The following ZNF780B variants were observed in gnomAD, a reference collection of about 807,000 sequenced individuals.
ZNF780B encodes zinc finger protein 779.
A neutral mutation model predicts 74.1 loss-of-function variants in ZNF780B; 52 were observed. The ratio of observed to expected loss-of-function variants is 0.70; its 90% CI spans 0.56 to 0.88. ZNF780B has a LOEUF of 0.88. Ranked by LOEUF, ZNF780B falls within the 40% of genes least tolerant of loss-of-function variation. The probability of loss-of-function intolerance (pLI) is 0.00; values close to 1 mark genes in which losing one functional copy is unlikely to be tolerated. For synonymous variants in ZNF780B, 315 were observed against 324.3 expected (o/e 0.97, Z 0.31); for missense variants, 953 against 1,007.6 (o/e 0.95, Z 0.73).
At chr19:40,037,023 C>T (rs1178677525) in intron 4 of ZNF780B, among the ~76,000 whole-genome samples, 2 of 151,864 alleles carry the variant, frequency 1.3e-5, no homozygotes, top group Non-Finnish European at 2.9e-5. Flanking sequence ...ATTCTCTGGC[C>T]TCAGCCTCAG....
In ZNF780B at chr19:40,034,547, G is replaced by C. The variant is rs750553815; in HGVS notation, c.2312C>G (p.Pro771Arg). 5.0e-6 allele frequency: 8 copies of C among 1,607,214 alleles called. No homozygotes were observed. In the Middle Eastern group the frequency reaches 1.0e-3, roughly 201 times the overall value. Residue 771 changes from proline (P) to arginine (R), a missense_variant, in exon 5 of 5, where the codon CCT (proline) becomes CGT (arginine). Pro to Arg is a moderately radical substitution (Grantham distance 103). Transcript: ENST00000434248. ...AFNRGSNLVQ[P>R]QSIHTGEKPY... is the part of the protein sequence containing the mutation. ...TTTCTCACCAGTATGAATACTCTGA[G>C]GTTGAACAAGGTTTGAGCCACGATT...
Position 40,034,731 on chromosome 19 carries a change from A to G in ZNF780B, c.2128T>C (p.Tyr710His), listed in dbSNP as rs1205937105. ...KECRKTFRYH[Y>H]QLTEHYRIHT... ...ATTCGGTAATGTTCAGTAAGCTGGTAATGATATCTAAAGGTCTTCCTACAC... is the reference window on the plus strand; with the variant it reads ...ATTCGGTAATGTTCAGTAAGCTGGTGATGATATCTAAAGGTCTTCCTACAC... The change falls in exon 5 of 5, where the codon TAC (tyrosine) becomes CAC (histidine). Residue 710 changes from tyrosine (Y) to histidine (H), a missense_variant. Transcript: ENST00000434248. The G allele has an allele frequency of 6.2e-7, 1 of 1,613,884 alleles. No individual in the cohort carries two copies. The highest frequency in any genetic ancestry group is 2.2e-5 in the East Asian group (1 of 44,850).
At chr19:40,038,418 A>C (rs1253370783) in intron 4 of ZNF780B, among the ~76,000 whole-genome samples, 2 of 152,058 alleles carry the variant, frequency 1.3e-5, no homozygotes, top group East Asian at 3.9e-4. Context: ...ATAATCCTTT[A>C]GGTATATACA....
rs754063212 is a variant in ZNF780B, at chr19:40,036,187, C to T, written c.672G>A (p.Lys224=). The T allele has an allele frequency of 6.2e-7, 1 of 1,613,446 alleles. No homozygotes were observed. Among genetic ancestry groups the T allele is most frequent in the East Asian group, 2.2e-5 (1 of 44,864 alleles). Reference sequence around the variant, plus strand: ...GAAGATTAAAGGCTTTTCCACATTCCTTACATTCAAAAGTTTTCTCACCAG... The same window carrying T: ...GAAGATTAAAGGCTTTTCCACATTCTTTACATTCAAAAGTTTTCTCACCAG... ...FHTGEKTFEC[K]ECGKAFNLPT... The change falls in exon 5 of 5, where the codon AAG becomes AAA. Residue 224 remains lysine (K), a synonymous_variant. Transcript: ENST00000434248.
In ZNF780B at chr19:40,036,028, A is replaced by C. The variant is rs771298388; in HGVS notation, c.831T>G (p.Tyr277Ter). The C allele has an allele frequency of 6.2e-7, 1 of 1,614,068 alleles. No homozygotes were observed. The highest frequency in any genetic ancestry group is 2.2e-5 in the East Asian group (1 of 44,874). Reference sequence around the variant, plus strand: ...AGGCTTTCCCACACTCCTTACATTGATATGGTTTTACACCAGCATGAATAC... The same window carrying C: ...AGGCTTTCCCACACTCCTTACATTGCTATGGTTTTACACCAGCATGAATAC... ...HQSIHAGVKPYQCKECGKAFN... is the reference protein window; with the variant it reads ...HQSIHAGVKP Residue 277 changes from tyrosine to a stop codon, truncating the protein, a stop_gained, in exon 5 of 5, where the codon TAT (tyrosine) becomes TAG (stop). Transcript: ENST00000434248. LOFTEE classifies it high-confidence loss of function.
chr19:40,040,092 C>T (rs1005743218), intron 4 of ZNF780B, among the ~76,000 whole-genome samples: 12 of 152,138 alleles, frequency 7.9e-5, no homozygotes, highest in African/African-American at 2.9e-4. Context: ...CCCATCAATA[C>T]CTCATTTATT....
chr19:40,050,547 A>G (rs959077603), intron 1 of ZNF780B, among the ~76,000 whole-genome samples, 170 bp from the exon 2 acceptor site: 1 of 152,162 alleles, frequency 6.6e-6, no homozygotes, highest in Non-Finnish European at 1.5e-5. Flanking sequence ...TCACAAATAA[A>G]CTGGCAGTGA....
At position 40,034,029 on chromosome 19, in the gene ZNF780B, A is replaced by G; in HGVS notation, c.*328T>C. 1 of 350,928 alleles carries G rather than the reference A, an allele frequency of 2.8e-6. No homozygotes were observed. The highest frequency in any genetic ancestry group is 6.8e-5 in the East Asian group (1 of 14,644). The allele number at this position is 350,928 out of a possible 1,614,324, so 21.7% of individuals were successfully genotyped here. A position where few individuals can be genotyped will look rare whatever the true frequency, so the allele number is the denominator to read the frequency against. On this transcript the variant is annotated 3_prime_UTR_variant, in exon 5 of 5. Transcript: ENST00000434248. ...CTTTACACTCACAGGGTTTCTCAGC[A>G]GTACGGATTCTCAGATGTACAGTAA... is the stretch of plus-strand genomic sequence containing the variant.
chr19:40,047,309 C>T (rs1433492021), intron 4 of ZNF780B, 66 bp downstream of exon 4: 6 of 1,394,014 alleles, frequency 4.3e-6, no homozygotes, highest in South Asian at 3.5e-5. Context: ...GGTGTGACTC[C>T]TCTCTGAGCA....
In ZNF780B at chr19:40,036,381, T is replaced by G; in HGVS notation, c.478A>C (p.Asn160His). 1.2e-6 allele frequency: 2 copies of G among 1,611,502 alleles called. No homozygotes were observed. The highest frequency in any genetic ancestry group is 1.7e-6 in the Non-Finnish European group (2 of 1,179,282). The change falls in exon 5 of 5, where the codon AAT (asparagine) becomes CAT (histidine). Residue 160 changes from asparagine (N) to histidine (H), a missense_variant. Coordinates refer to ENST00000434248, the MANE Select transcript of ZNF780B (RefSeq NM_001005851.3). ...TTACATTCATATGGTTTATGTGTAT[T>G]ATGAATAGGAGAAGCATGAGTATAA... ...PAYTHASPIHNTHKPYECKEC... is the reference protein window; with the variant it reads ...PAYTHASPIHHTHKPYECKEC...
intron 4 of ZNF780B, among the ~76,000 whole-genome samples, chr19:40,045,962 T>C (rs1790454246): frequency 1.3e-5 from 2 of 152,152 alleles, no homozygotes; most frequent in Non-Finnish European, 2.9e-5. Flanking sequence ...CACTCCAGCC[T>C]GGGCGACAAG....
At chr19:40,047,258 C>G (rs545734813) in intron 4 of ZNF780B, 117 bp downstream of exon 4, 6 of 845,914 alleles carry the variant, frequency 7.1e-6, no homozygotes, top group African/African-American at 5.0e-5. Context: ...CAGTGGGGGA[C>G]CTTGGGTTAT....
intron 1 of ZNF780B, chr19:40,055,608 G>A (rs1973458231): frequency 1.3e-5 from 2 of 152,166 alleles, no homozygotes; most frequent in Admixed American, 6.5e-5. Flanking sequence ...AATAAAAGGA[G>A]GAGGAATCGG....
At position 40,035,236 on chromosome 19, in the gene ZNF780B, G is replaced by A. The variant is rs766266296; in HGVS notation, c.1623C>T (p.His541=). The A allele has an allele frequency of 1.2e-6, 2 of 1,613,136 alleles. No individual in the cohort carries two copies. The highest frequency in any genetic ancestry group is 2.2e-5 in the South Asian group (2 of 91,010). The change falls in exon 5 of 5, where the codon CAC becomes CAT. Residue 541 remains histidine (H), a synonymous_variant. Coordinates refer to ENST00000434248, the MANE Select transcript of ZNF780B (RefSeq NM_001005851.3). ...CKECGKAFRL[H]LQLSQHEKTH... ...TTTTCTCATGTTGAGAAAGTTGTAG[G>A]TGAAGTCTAAAAGCCTTCCCACACT...
intron 4 of ZNF780B, among the ~76,000 whole-genome samples, chr19:40,044,443 CAG>C (rs1972835496): frequency 6.6e-6 from 1 of 152,092 alleles, no homozygotes; most frequent in African/African-American, 2.4e-5. Flanking sequence ...GATTTCTCAA[CAG>C]AGAGAAATGA....
At position 40,035,402 on chromosome 19, in the gene ZNF780B, G is replaced by C; in HGVS notation, c.1457C>G (p.Thr486Arg). The C allele has an allele frequency of 6.2e-7, 1 of 1,614,122 alleles. No homozygotes were observed. Among genetic ancestry groups the C allele is most frequent in the Non-Finnish European group, 8.5e-7 (1 of 1,180,020 alleles). Residue 486 changes from threonine (T) to arginine (R), a missense_variant, in exon 5 of 5, where the codon ACA (threonine) becomes AGA (arginine). By Grantham distance (71) the Thr-to-Arg change is moderately conservative. Transcript: ENST00000434248. ...KECGKAFSLL[T>R]QLARHKNIHT... ...AATGTTCTTATGTCGAGCAAGCTGT[G>C]TCAGAAGACTAAAGGCCTTTCCACA...
rs1324364263 is a variant in ZNF780B, at chr19:40,029,445, A to G, written c.*4912T>C. 6.5e-6 allele frequency: 1 copy of G among 154,864 alleles called. No individual in the cohort carries two copies. The highest frequency in any genetic ancestry group is 1.5e-5 in the Non-Finnish European group (1 of 68,218). The allele number at this position is 154,864 out of a possible 1,614,324, so 9.6% of individuals were successfully genotyped here. A position where few individuals can be genotyped will look rare whatever the true frequency, so the allele number is the denominator to read the frequency against. ...TCAGCCAGGCCTTAAAAGGAGATAA[A>G]CTTCTCAGCTATCACCATACATAAA... On this transcript the variant is annotated 3_prime_UTR_variant, in exon 5 of 5. Transcript: ENST00000434248.
Position 40,032,856 on chromosome 19 carries a change from A to T in ZNF780B, c.*1501T>A, listed in dbSNP as rs916033247. 4 of 153,436 alleles carry T rather than the reference A, an allele frequency of 2.6e-5. No homozygotes were observed. Among genetic ancestry groups the T allele is most frequent in the African/African-American group, 9.7e-5 (4 of 41,432 alleles). 9.5% of individuals were successfully genotyped at this position (153,436 alleles called of 1,614,324 possible). On this transcript the variant is annotated 3_prime_UTR_variant, in exon 5 of 5. Transcript: ENST00000434248. ...GTAATTATGGTACTATGGTTATATG[A>T]TATTGTCTTTATGTTTGGGTAACAC...
chr19:40,045,380 A>T (rs1972888382), intron 4 of ZNF780B, among the ~76,000 whole-genome samples: 1 of 152,212 alleles, frequency 6.6e-6, no homozygotes, highest in South Asian at 2.1e-4. Context: ...TGGGATATAA[A>T]TTAGTACAAT....
Sources: gnomAD v4.1 joint callset for allele counts (sites outside exome capture counted in the v4.1 genomes callset) on GRCh38, gnomAD v4.1.1 for gene constraint, MANE v1.5 for transcripts, NCBI Gene and HGNC (gene_info 2026-07-23, HGNC 2026-07-21) for gene names.